The following COBL variants were observed in gnomAD, a reference collection of about 807,000 sequenced individuals.
COBL encodes protein cordon-bleu.
A neutral mutation model predicts 98.8 loss-of-function variants in COBL; 51 were observed. The ratio of observed to expected loss-of-function variants is 0.52; its 90% CI spans 0.41 to 0.65. COBL has a LOEUF of 0.65. COBL is among the 30% of genes least tolerant of loss of function. The pLI is 0.00. For missense variants in COBL, 1,617 were observed against 1,617.5 expected (o/e 1.00, Z 0.01); for synonymous variants, 634 against 651.7 (o/e 0.97, Z 0.41).
intron 8 of COBL, chr7:51,034,518 A>G (rs1788442508): frequency 6.6e-6 from 1 of 152,288 alleles, no homozygotes; most frequent in African/African-American, 2.4e-5. Flanking sequence ...CCAGTGTAAG[A>G]AAGCAGGAGG....
Position 51,309,195 on chromosome 7 carries a change from T to C in COBL, c.41+7398A>G, listed in dbSNP as rs149291394. Among the ~76,000 whole-genome samples the C allele has an allele frequency of 1.4e-3, 216 of 152,182 alleles. 1 individual carries two copies. Among genetic ancestry groups the C allele is most frequent in the African/African-American group, 4.9e-3 (202 of 41,522 alleles). On this transcript the variant is annotated intron_variant, in intron 1 of 12. Transcript: ENST00000265136. ...AGCTGCCCTTTTAAGGACGATGTGA[T>C]TATGGTTGGGCCAAGGGGACATGAG...
At chr7:51,084,584 T>A (rs1794019092) in intron 7 of COBL, among the ~76,000 whole-genome samples, 1 of 152,186 alleles carries the variant, frequency 6.6e-6, no homozygotes, top group South Asian at 2.1e-4. Context: ...AGGGGTGGGC[T>A]ATGATGATCT....
intron 1 of COBL, among the ~76,000 whole-genome samples, chr7:51,315,034 G>C (rs1803404518): frequency 1.3e-5 from 2 of 152,154 alleles, no homozygotes; most frequent in South Asian, 4.2e-4. Flanking sequence ...TGTTCTCTCT[G>C]TCTTCATATT....
chr7:51,202,257 T>C (rs191553406), intron 2 of COBL, among the ~76,000 whole-genome samples: 1 of 152,122 alleles, frequency 6.6e-6, no homozygotes, highest in Non-Finnish European at 1.5e-5. Flanking sequence ...AGGGTAAAAA[T>C]GAATCTTCTA....
At chr7:51,247,254 G>A (rs1441841490) in intron 1 of COBL, among the ~76,000 whole-genome samples, 3 of 152,056 alleles carry the variant, frequency 2.0e-5, no homozygotes, top group African/African-American at 7.2e-5. Context: ...CCATGAGCTT[G>A]GAGTCTCTCT....
In COBL at chr7:51,043,912, A is replaced by ATG. The variant is rs1408219514; in HGVS notation, c.1097-221_1097-220insCA. On this transcript the variant is annotated intron_variant, in intron 7 of 12. Transcript: ENST00000265136. The stretch of plus-strand genomic sequence containing the variant: ...ATTGAGGGCAAAATTTTCCCTCAAA[A>ATG]ATCAGTATTTGATTAATTAGCCTTT... Among the ~76,000 whole-genome samples, 8 of 152,318 alleles carry ATG rather than the reference A, an allele frequency of 5.3e-5. 1 individual carries two copies. The highest frequency in any genetic ancestry group is 5.2e-4 in the Admixed American group (8 of 15,308).
At chr7:51,155,312 G>A (rs954898452) in intron 5 of COBL, among the ~76,000 whole-genome samples, 13 of 151,994 alleles carry the variant, frequency 8.6e-5, no homozygotes, top group African/African-American at 1.9e-4. Flanking sequence ...AGTTCCAGCC[G>A]GGAGCAGTGG....
intron 1 of COBL, among the ~76,000 whole-genome samples, chr7:51,221,341 C>CACA (rs927073053): frequency 6.6e-6 from 1 of 152,162 alleles, no homozygotes; most frequent in Non-Finnish European, 1.5e-5. Flanking sequence ...TAAACAATCC[C>CACA]ACAAGACAGC....
At position 51,249,951 on chromosome 7, in the gene COBL, A is replaced by G. The variant is rs1321383223; in HGVS notation, c.42-30007T>C. 3.3e-5 allele frequency among the ~76,000 whole-genome samples: 5 copies of G among 152,234 alleles called. No individual in the cohort carries two copies. The East Asian group carries it at 9.7e-4, about 29-fold the overall frequency. ...ACCCTGTCTCTACTAAAAATACAAA[A>G]ATTAGCCAGGTGTGGTGGCGCTTGC... On this transcript the variant is annotated intron_variant, in intron 1 of 12. Coordinates refer to ENST00000265136, the MANE Select transcript of COBL (RefSeq NM_015198.5).
intron 11 of COBL, 27 bp downstream of exon 11, chr7:51,026,519 C>T (rs2285841): frequency 0.15 from 237,713 of 1,607,642 alleles, 22,476 homozygotes; most frequent in African/African-American, 0.41. Context: ...GAGCTCCTGG[C>T]GCCATGGAAG....
chr7:51,187,868 T>C (rs568324118), intron 4 of COBL: 23 of 1,217,086 alleles, frequency 1.9e-5, no homozygotes, highest in African/African-American at 3.1e-5. Context: ...GAGCCATGCA[T>C]AGTGCAGCCT....
chr7:51,281,778 T>G (rs753589044), intron 1 of COBL, among the ~76,000 whole-genome samples: 7 of 152,272 alleles, frequency 4.6e-5, no homozygotes, highest in Middle Eastern at 3.4e-3. Flanking sequence ...CTAGAATAAT[T>G]GTTAAAGTAA....
intron 1 of COBL, among the ~76,000 whole-genome samples, chr7:51,291,448 G>C (rs149046063): frequency 6.6e-6 from 1 of 152,160 alleles, no homozygotes; most frequent in Admixed American, 6.5e-5. Flanking sequence ...AGGGTAATGA[G>C]GTGACAGTCA....
intron 1 of COBL, among the ~76,000 whole-genome samples, chr7:51,306,014 C>T (rs981294018): frequency 5.3e-5 from 8 of 151,850 alleles, no homozygotes; most frequent in African/African-American, 1.9e-4. Context: ...CCAGCCCAGG[C>T]GACAGAGCAG....
At chr7:51,223,619 C>T (rs771803638) in intron 1 of COBL, among the ~76,000 whole-genome samples, 7 of 152,196 alleles carry the variant, frequency 4.6e-5, no homozygotes, top group Non-Finnish European at 7.3e-5. Flanking sequence ...ACCAGTCCCC[C>T]AACTGCCTTG....
intron 1 of COBL, among the ~76,000 whole-genome samples, chr7:51,270,113 G>C (rs530401442): frequency 6.6e-6 from 1 of 152,310 alleles, no homozygotes; most frequent in East Asian, 1.9e-4. Context: ...GAGCACTTTT[G>C]CCAGGCATAA....
rs758214059 is a variant in COBL, at chr7:51,030,849, G to T, written c.1467C>A (p.Phe489Leu). Residue 489 changes from phenylalanine (F) to leucine (L), a missense_variant, in exon 9 of 13, where the codon TTC (phenylalanine) becomes TTA (leucine). By Grantham distance (22) the Phe-to-Leu change is conservative. Transcript: ENST00000265136. ...CATCAAGTTCTGCAAGGGTTTTACGGAACTCTCCAGCAATTAATAGGTCTT... is the reference window on the plus strand; with the variant it reads ...CATCAAGTTCTGCAAGGGTTTTACGTAACTCTCCAGCAATTAATAGGTCTT... The part of the protein sequence containing the change: ...DEEDLLIAGE[F>L]RKTLAELDED... 2.5e-6 allele frequency: 4 copies of T among 1,608,328 alleles called. No homozygotes were observed. Among genetic ancestry groups the T allele is most frequent in the Non-Finnish European group, 3.4e-6 (4 of 1,178,686 alleles).
intron 6 of COBL, among the ~76,000 whole-genome samples, chr7:51,093,980 TACATATATATATATGTATATAAAAC>T (rs1795053524): frequency 6.6e-6 from 1 of 150,594 alleles, no homozygotes; most frequent in African/African-American, 2.4e-5. Flanking sequence ...GTTTTTTATA[TACATATATATATATGTATATAAAAC>T]ACATATATTT....
intron 6 of COBL, among the ~76,000 whole-genome samples, chr7:51,113,732 T>C (rs1463005999): frequency 6.6e-6 from 1 of 152,228 alleles, no homozygotes; most frequent in Non-Finnish European, 1.5e-5. Context: ...ATATCAGAAA[T>C]GTGTTATTTG....
Sources: gnomAD v4.1 joint callset for allele counts (sites outside exome capture counted in the v4.1 genomes callset) on GRCh38, gnomAD v4.1.1 for gene constraint, MANE v1.5 for transcripts, NCBI Gene and HGNC (gene_info 2026-07-23, HGNC 2026-07-21) for gene names.